Variants in ZFAND3 observed in about 807,000 individuals in gnomAD.
The protein encoded by ZFAND3 is AN1-type zinc finger protein 3.
Under a neutral mutation model 29.6 loss-of-function variants are expected in ZFAND3, and 10 were observed. That is an observed-to-expected ratio of 0.34 (90% CI 0.21 to 0.57). ZFAND3 has a LOEUF of 0.57. ZFAND3 is among the 20% of genes least tolerant of loss of function. The pLI is 0.86. For synonymous variants in ZFAND3, 128 were observed against 112.6 expected (o/e 1.14, Z -0.87); for missense variants, 230 against 304.5 (o/e 0.76, Z 1.82).
rs572797361 is a variant in ZFAND3 at position 38,102,369 on chromosome 6, C to T, written c.362-14203C>T. ...TGTATGTGTGTTTTTGATAAAAATT[C>T]AGAAAATTTACTTGAATTAGTGTCT... On this transcript the variant is annotated intron_variant, in intron 4 of 5. Transcript: ENST00000287218. Among the ~76,000 whole-genome samples the T allele has an allele frequency of 4.6e-5, 7 of 152,270 alleles. 1 individual carries two copies. In the South Asian group the frequency reaches 1.5e-3, roughly 32 times the overall value.
rs57806951 is a variant in ZFAND3, at chr6:37,949,419, G to T, written c.112+19420G>T. ...AAACTCCTGTGACCAAATGTGTGTG[G>T]GGGGGTCTCTCCCCACCACCAAGCA... On this transcript the variant is annotated intron_variant, in intron 2 of 5. Transcript: ENST00000287218. 1.9e-3 allele frequency among the ~76,000 whole-genome samples: 234 copies of T among 123,922 alleles called. 1 individual carries two copies. The highest frequency in any genetic ancestry group is 6.2e-3 in the African/African-American group (184 of 29,722). The allele number at this position is 123,922 out of a possible 152,430, so 81.3% of individuals were successfully genotyped here.
intron 1 of ZFAND3, among the ~76,000 whole-genome samples, chr6:37,846,448 A>G (rs1054053164): frequency 6.6e-6 from 1 of 152,232 alleles, no homozygotes; most frequent in East Asian, 1.9e-4. Context: ...AGGGAAAATT[A>G]TAGTATTAAA....
At chr6:38,065,618 A>G (rs1270982954) in intron 3 of ZFAND3, among the ~76,000 whole-genome samples, 1 of 152,250 alleles carries the variant, frequency 6.6e-6, no homozygotes, top group African/African-American at 2.4e-5. Context: ...ACAGATGAGG[A>G]CATTAAAACT....
At chr6:38,053,260 G>T (rs1764064712) in intron 2 of ZFAND3, among the ~76,000 whole-genome samples, 1 of 151,836 alleles carries the variant, frequency 6.6e-6, no homozygotes. Flanking sequence ...ACCATTGAAG[G>T]GTTTAGGCAG....
chr6:37,951,948 T>G (rs1762006701), intron 2 of ZFAND3, among the ~76,000 whole-genome samples: 1 of 152,170 alleles, frequency 6.6e-6, no homozygotes. Context: ...TAAGATGCAT[T>G]TATTGAGATG....
chr6:38,012,002 G>T (rs1763162196), intron 2 of ZFAND3, among the ~76,000 whole-genome samples: 1 of 152,130 alleles, frequency 6.6e-6, no homozygotes, highest in Non-Finnish European at 1.5e-5. Context: ...TGATAGTTGG[G>T]ATATGTTATA....
intron 4 of ZFAND3, among the ~76,000 whole-genome samples, chr6:38,093,793 T>C (rs1178053549): frequency 3.3e-5 from 5 of 152,182 alleles, no homozygotes; most frequent in East Asian, 3.8e-4. Flanking sequence ...AATCATTCAT[T>C]ATGGAGTTAA....
intron 1 of ZFAND3, among the ~76,000 whole-genome samples, chr6:37,924,746 A>G (rs1482688979): frequency 6.6e-6 from 1 of 151,836 alleles, no homozygotes; most frequent in Non-Finnish European, 1.5e-5. Context: ...GCTTGAGCCT[A>G]GGAGGTCAAG....
chr6:37,986,132 C>A (rs1340639031), intron 2 of ZFAND3, among the ~76,000 whole-genome samples: 1 of 152,086 alleles, frequency 6.6e-6, no homozygotes, highest in African/African-American at 2.4e-5. Flanking sequence ...AGTTTGGGTT[C>A]TCTTTACAAA....
intron 3 of ZFAND3, among the ~76,000 whole-genome samples, chr6:38,077,156 T>G (rs529988512): frequency 1.3e-5 from 2 of 151,962 alleles, no homozygotes; most frequent in South Asian, 4.2e-4. Flanking sequence ...CAAGAAATTC[T>G]TGATAAGATA....
At chr6:37,966,392 A>G (rs1762294108) in intron 2 of ZFAND3, among the ~76,000 whole-genome samples, 1 of 152,186 alleles carries the variant, frequency 6.6e-6, no homozygotes, top group South Asian at 2.1e-4. Context: ...AGTGCCAGGC[A>G]TTGTGCTAAG....
chr6:37,920,435 A>T (rs1761356788), intron 1 of ZFAND3, among the ~76,000 whole-genome samples: 1 of 151,862 alleles, frequency 6.6e-6, no homozygotes, highest in African/African-American at 2.4e-5. Flanking sequence ...ATGGTGCTGG[A>T]CTAAACTTTC....
chr6:37,908,076 A>G (rs577081525), intron 1 of ZFAND3, among the ~76,000 whole-genome samples: 3 of 152,322 alleles, frequency 2.0e-5, no homozygotes, highest in Admixed American at 2.0e-4. Flanking sequence ...CAAATGATTT[A>G]TGAATCGCAG....
chr6:37,938,035 C>G (rs765402734), intron 2 of ZFAND3, among the ~76,000 whole-genome samples: 7 of 152,166 alleles, frequency 4.6e-5, no homozygotes, highest in Non-Finnish European at 8.8e-5. Context: ...TTCTTTTACC[C>G]TAGTCATCAT....
chr6:38,069,694 G>A (rs1764414854), intron 3 of ZFAND3, among the ~76,000 whole-genome samples: 1 of 152,178 alleles, frequency 6.6e-6, no homozygotes. Context: ...CAATGTGTGA[G>A]ATCATTAAGT....
At chr6:38,145,751 T>A (rs2127497446) in intron 5 of ZFAND3, among the ~76,000 whole-genome samples, 1 of 152,324 alleles carries the variant, frequency 6.6e-6, no homozygotes, top group South Asian at 2.1e-4. Flanking sequence ...CAGGTTTATG[T>A]GGCACATGGG....
intron 5 of ZFAND3, among the ~76,000 whole-genome samples, chr6:38,134,244 C>T (rs1765799547): frequency 6.6e-6 from 1 of 152,204 alleles, no homozygotes; most frequent in Admixed American, 6.5e-5. Flanking sequence ...ACATTCCGTT[C>T]TCCTGAGTGC....
Position 38,031,773 on chromosome 6 carries a change from T to C in ZFAND3, c.113-29820T>C, listed in dbSNP as rs553266377. ...CCCACGTAGCCATTTTAATACCTTT[T>C]AATGTATCTCCTTTGTTATGCATAT... On this transcript the variant is annotated intron_variant, in intron 2 of 5. Coordinates refer to ENST00000287218, the MANE Select transcript of ZFAND3 (RefSeq NM_021943.3). 1.9e-4 allele frequency among the ~76,000 whole-genome samples: 29 copies of C among 152,304 alleles called. No individual in the cohort carries two copies. The East Asian group carries it at 3.3e-3, about 17-fold the overall frequency.
Position 38,151,096 on chromosome 6 carries a change from G to T in ZFAND3, c.530-1139G>T. ...CCTCAGACGTCTGTGCTCCACATGC[G>T]TATCGGCCGCTCTAGAGATTGCCTG... On this transcript the variant is annotated intron_variant, in intron 5 of 5. Coordinates refer to ENST00000287218, the MANE Select transcript of ZFAND3 (RefSeq NM_021943.3). 1.3e-5 allele frequency among the ~76,000 whole-genome samples: 2 copies of T among 152,326 alleles called. 1 individual carries two copies. Among genetic ancestry groups the T allele is most frequent in the South Asian group, 4.1e-4 (2 of 4,834 alleles).
Sources: allele counts gnomAD v4.1 joint callset (sites outside exome capture counted in the v4.1 genomes callset), GRCh38; gene constraint gnomAD v4.1.1; transcripts MANE v1.5; gene names NCBI Gene and HGNC (gene_info 2026-07-23, HGNC 2026-07-21).